Variants in PCDHGA3 observed in about 807,000 individuals in gnomAD.
PCDHGA3 encodes protocadherin gamma-A3.
A neutral mutation model predicts 58.5 loss-of-function variants in PCDHGA3; 40 were observed. The observed-to-expected ratio is 0.68, with a 90% CI of 0.53 to 0.89. The LOEUF (loss-of-function observed/expected upper bound fraction) is 0.89, where lower values mean the gene tolerates loss of function less well. Among genes scored for constraint, PCDHGA3 ranks in the 40% least tolerant of loss-of-function variants. PCDHGA3 has a pLI of 0.00. For missense variants in PCDHGA3, 1,223 were observed against 1,195.9 expected (o/e 1.02, Z -0.33); for synonymous variants, 530 against 525.7 (o/e 1.01, Z -0.11).
At chr5:141,371,574 A>G (rs1180063377) in intron 1 of PCDHGA3, 2 of 1,613,828 alleles carry the variant, frequency 1.2e-6, no homozygotes, top group East Asian at 4.5e-5. Flanking sequence ...CCCCTTTAAA[A>G]TCGTTCAAGA....
At chr5:141,360,691 C>G (rs769552325) in intron 1 of PCDHGA3, 15 of 1,613,850 alleles carry the variant, frequency 9.3e-6, no homozygotes, top group African/African-American at 4.0e-5. Flanking sequence ...GAAACAGACT[C>G]CAGATGGTCG....
At position 141,487,736 on chromosome 5, in the gene PCDHGA3, G is replaced by C; in HGVS notation, c.2425-7071G>C. On this transcript the variant is annotated intron_variant, in intron 1 of 3. Transcript: ENST00000253812. The surrounding 1 kb of genome is among the most constrained non-coding windows in gnomAD (Gnocchi z 5.0). Reference sequence around the variant, plus strand: ...TGCCCATAGTGATGTCACCATTTTTGTAAGAGGTAACTATGTGGTAGACGC... The same window carrying C: ...TGCCCATAGTGATGTCACCATTTTTCTAAGAGGTAACTATGTGGTAGACGC... 1 of 1,563,758 alleles carries C rather than the reference G, an allele frequency of 6.4e-7. No homozygotes were observed.
intron 1 of PCDHGA3, chr5:141,365,192 A>C: frequency 6.2e-7 from 1 of 1,613,930 alleles, no homozygotes; most frequent in South Asian, 1.1e-5. Context: ...AGAAGAAAAA[A>C]TTTCGGAGAC....
chr5:141,494,153 G>T (rs2099752286), intron 1 of PCDHGA3, among the ~76,000 whole-genome samples: 1 of 152,186 alleles, frequency 6.6e-6, no homozygotes, highest in Non-Finnish European at 1.5e-5. Flanking sequence ...CCATTGTCTG[G>T]CACGGAGTTC....
In PCDHGA3 at chr5:141,477,982, G is replaced by A; in HGVS notation, c.2425-16825G>A. ...CTAACCAGAGCCTTTTTGCCATAGG[G>A]CTGCACACTGGTCAAATCAGTACTG... is the stretch of plus-strand genomic sequence containing the variant. On this transcript the variant is annotated intron_variant, in intron 1 of 3. Transcript: ENST00000253812. The surrounding 1 kb of genome is among the most constrained non-coding windows in gnomAD (Gnocchi z 4.9). 6.2e-7 allele frequency: 1 copy of A among 1,614,066 alleles called. No individual in the cohort carries two copies. Among genetic ancestry groups the A allele is most frequent in the Non-Finnish European group, 8.5e-7 (1 of 1,180,014 alleles).
intron 1 of PCDHGA3, among the ~76,000 whole-genome samples, chr5:141,469,317 C>T (rs1354878667): frequency 6.6e-6 from 1 of 152,092 alleles, no homozygotes; most frequent in Non-Finnish European, 1.5e-5. Flanking sequence ...TGGCTCACGC[C>T]TGTAATCCCA....
At chr5:141,461,388 A>T (rs1025976806) in intron 1 of PCDHGA3, among the ~76,000 whole-genome samples, 5 of 152,164 alleles carry the variant, frequency 3.3e-5, no homozygotes, top group Admixed American at 6.5e-5. Context: ...CCTGATGATT[A>T]GCGATGTTGA....
At chr5:141,459,218 C>T (rs2098963524) in intron 1 of PCDHGA3, among the ~76,000 whole-genome samples, 1 of 152,220 alleles carries the variant, frequency 6.6e-6, no homozygotes, top group South Asian at 2.1e-4. Context: ...TTCTCCAGCT[C>T]CAGGCAACAA....
intron 1 of PCDHGA3, chr5:141,389,594 T>G (rs1458391866): frequency 1.2e-5 from 19 of 1,613,068 alleles, no homozygotes; most frequent in Non-Finnish European, 1.5e-5. Flanking sequence ...CCGACGGCTC[T>G]GCGCTCTTCG....
At position 141,419,294 on chromosome 5, in the gene PCDHGA3, C is replaced by T. The variant is rs770303087; in HGVS notation, c.2424+72837C>T. ...CATAGCGCAAGTCAGTGCCTCTGAC[C>T]CAGACTTCGGGCTCAACGGCCGTGT... On this transcript the variant is annotated intron_variant, in intron 1 of 3. Transcript: ENST00000253812. The T allele has an allele frequency of 1.9e-6, 3 of 1,614,036 alleles. No homozygotes were observed. Among genetic ancestry groups the T allele is most frequent in the East Asian group, 2.2e-5 (1 of 44,886 alleles).
intron 1 of PCDHGA3, chr5:141,366,644 C>T (rs759831298): frequency 1.2e-6 from 2 of 1,614,268 alleles, no homozygotes; most frequent in East Asian, 2.2e-5. Flanking sequence ...GATCTTTCCC[C>T]AGCCCAACTA....
rs367576240 is a variant in PCDHGA3, at chr5:141,350,687, G to T, written c.2424+4230G>T. On this transcript the variant is annotated intron_variant, in intron 1 of 3. Transcript: ENST00000253812. ...CATTGACTTAGAAATTTGTGAGTCA[G>T]CCTTACCCGGGGTAAAATTCTCTCT... 1.1e-4 allele frequency: 172 copies of T among 1,613,894 alleles called. No individual in the cohort carries two copies. The highest frequency in any genetic ancestry group is 1.4e-4 in the Non-Finnish European group (167 of 1,179,912).
intron 1 of PCDHGA3, among the ~76,000 whole-genome samples, chr5:141,386,520 G>T (rs976508801): frequency 0.014 from 2 of 142 alleles, no homozygotes; most frequent in Non-Finnish European, 0.032. Flanking sequence ...TTCAAAAAAA[G>T]ACTCTTTTTA....
In PCDHGA3 at chr5:141,489,594, TGTAGAG is replaced by T. The variant is rs1298302866; in HGVS notation, c.2425-5206_2425-5201del. 1 of 1,613,958 alleles carries T rather than the reference TGTAGAG, an allele frequency of 6.2e-7. No homozygotes were observed. The highest frequency in any genetic ancestry group is 1.3e-5 in the African/African-American group (1 of 74,906). ...CTGAACACCCCCTGGAGCTAATCCG[TGTAGAG>T]GTAGAGATCCTGGATCTCAATGACA... On this transcript the variant is annotated intron_variant, in intron 1 of 3. Coordinates refer to ENST00000253812, the MANE Select transcript of PCDHGA3 (RefSeq NM_018916.4). The surrounding 1 kb of genome is among the most constrained non-coding windows in gnomAD (Gnocchi z 4.5).
In PCDHGA3 at chr5:141,345,225, A is replaced by G. The variant is rs1366450224; in HGVS notation, c.1192A>G (p.Ile398Val). The change falls in exon 1 of 4, where the codon ATA becomes GTA. Residue 398 changes from isoleucine (I) to valine (V), a missense_variant. Around this residue, in one of 3 missense-constraint regions of PCDHGA3, gnomAD observed 791 missense variants for 708.5 expected, o/e 1.12. Transcript: ENST00000253812. ...GNLPFKLEKSIDQYYRLVTAT... is the reference protein window; with the variant it reads ...GNLPFKLEKSVDQYYRLVTAT... ...TCTGCCATTTAAGTTAGAAAAATCAATAGATCAATATTACCGCTTAGTGAC... is the reference window on the plus strand; with the variant it reads ...TCTGCCATTTAAGTTAGAAAAATCAGTAGATCAATATTACCGCTTAGTGAC... 5 of 1,613,856 alleles carry G rather than the reference A, an allele frequency of 3.1e-6. No homozygotes were observed. The highest frequency in any genetic ancestry group is 2.2e-5 in the East Asian group (1 of 44,900).
At chr5:141,398,612 T>G in intron 1 of PCDHGA3, 1 of 1,614,024 alleles carries the variant, frequency 6.2e-7, no homozygotes, top group Non-Finnish European at 8.5e-7. Flanking sequence ...GATGCAGATA[T>G]TGGCTTAAAC....
At chr5:141,462,540 T>G (rs2099042148) in intron 1 of PCDHGA3, among the ~76,000 whole-genome samples, 2 of 152,204 alleles carry the variant, frequency 1.3e-5, no homozygotes, top group Non-Finnish European at 2.9e-5. Flanking sequence ...TCAGTGATCT[T>G]TTCTTCTTCA....
At chr5:141,370,956 G>A in intron 1 of PCDHGA3, 1 of 1,613,992 alleles carries the variant, frequency 6.2e-7, no homozygotes, top group South Asian at 1.1e-5. Flanking sequence ...GAACCTGGAT[G>A]GCAGTAGGTA....
At chr5:141,418,065 G>T in intron 1 of PCDHGA3, 1 of 1,614,064 alleles carries the variant, frequency 6.2e-7, no homozygotes, top group East Asian at 2.2e-5. Context: ...CTGCGAGTGA[G>T]CGCGGAGAAG....
Sources: allele counts gnomAD v4.1 joint callset (sites outside exome capture counted in the v4.1 genomes callset), GRCh38; gene constraint gnomAD v4.1.1; regional missense constraint gnomAD v4.1.1; non-coding constraint Gnocchi (gnomAD v3.1); transcripts MANE v1.5; gene names NCBI Gene and HGNC (gene_info 2026-07-23, HGNC 2026-07-21).